CLUL1: variants seen among roughly 807,000 people sequenced by gnomAD.
The protein encoded by CLUL1 is clusterin-like protein 1.
CLUL1 carries 43 observed loss-of-function variants against 49.4 expected under a neutral mutation model. The ratio of observed to expected loss-of-function variants is 0.87; its 90% CI spans 0.68 to 1.12. The LOEUF is 1.12. CLUL1 is among the 50% of genes most tolerant of loss of function. The pLI is 0.00. For synonymous variants in CLUL1, 192 were observed against 184.9 expected, an observed-to-expected ratio of 1.04 and a Z score of -0.31; for missense variants, 486 against 544.4, an observed-to-expected ratio of 0.89 and a Z score of 1.07.
intron 1 of CLUL1, among the ~76,000 whole-genome samples, chr18:605,114 A>C (rs1418685579): frequency 6.6e-6 from 1 of 152,216 alleles, no homozygotes; most frequent in Non-Finnish European, 1.5e-5. Flanking sequence ...CAGTACAATC[A>C]TTTTAAATAT....
At chr18:646,237 T>A (rs2074503556) in intron 9 of CLUL1, among the ~76,000 whole-genome samples, 1 of 152,126 alleles carries the variant, frequency 6.6e-6, no homozygotes, top group African/African-American at 2.4e-5. Context: ...CATTTTAAAT[T>A]ATTCATGAGA....
intron 9 of CLUL1, among the ~76,000 whole-genome samples, chr18:646,148 G>A (rs1490259779): frequency 2.6e-5 from 4 of 151,524 alleles, no homozygotes; most frequent in Non-Finnish European, 4.4e-5. Context: ...CACACTGCAC[G>A]GCTTCCTGTT....
At chr18:608,350 C>T (rs2073039803) in intron 2 of CLUL1, among the ~76,000 whole-genome samples, 1 of 152,138 alleles carries the variant, frequency 6.6e-6, no homozygotes, top group Non-Finnish European at 1.5e-5. Context: ...AGAACCCTGA[C>T]AAATGAAGAG....
intron 5 of CLUL1, 58 bp downstream of exon 5, chr18:625,090 CT>C: frequency 6.5e-7 from 1 of 1,529,376 alleles, no homozygotes; most frequent in East Asian, 2.3e-5. Context: ...TTTCAGCTTA[CT>C]TTTTTATTAA....
At chr18:626,946 GGAAGGAAGGAAGGAAGGAAGGAAGGAA>G (rs2073788163) in intron 5 of CLUL1, 124 bp from the exon 6 acceptor site, 1 of 11,260 alleles carries the variant, frequency 8.9e-5, no homozygotes, top group African/African-American at 3.6e-4. Context: ...AAGGAAAGAA[GGAAGGAAGGAAGGAAGGAAGGAAGGAA>G]GGAAGGAAGG....
intron 6 of CLUL1, among the ~76,000 whole-genome samples, chr18:632,567 A>G (rs1456925966): frequency 6.6e-6 from 1 of 152,220 alleles, no homozygotes; most frequent in Non-Finnish European, 1.5e-5. Flanking sequence ...TATTGACATC[A>G]GAAATACTAA....
chr18:616,745 G>T (rs888746464), intron 2 of CLUL1: 2 of 975,210 alleles, frequency 2.1e-6, no homozygotes, highest in Non-Finnish European at 2.4e-6. Flanking sequence ...CTTCACTGGG[G>T]AGATATTGCA....
chr18:623,737 G>T (rs1198410262), intron 4 of CLUL1, among the ~76,000 whole-genome samples: 1 of 148,492 alleles, frequency 6.7e-6, no homozygotes, highest in Non-Finnish European at 1.5e-5. Context: ...GGGTCAAAAT[G>T]TATATTGGCA....
rs558332367 is a variant in CLUL1 at position 597,017 on chromosome 18, G to C, written c.-248G>C. The stretch of plus-strand genomic sequence containing the variant: ...TGCGTCACCTGCAGGCCCGGGCCGC[G>C]GGGTTGGTTTCCACCCTGGAGGTTG... On this transcript the variant is annotated 5_prime_UTR_variant, in exon 1 of 10. Coordinates refer to ENST00000692774, the MANE Select transcript of CLUL1 (RefSeq NM_001393344.1). 1 of 152,614 alleles carries C rather than the reference G, an allele frequency of 6.6e-6. No homozygotes were observed. Among genetic ancestry groups the C allele is most frequent in the Non-Finnish European group, 1.5e-5 (1 of 68,102 alleles). The allele number at this position is 152,614 out of a possible 1,614,324, so 9.5% of individuals were successfully genotyped here.
intron 5 of CLUL1, among the ~76,000 whole-genome samples, chr18:626,887 GAA>G (rs373271131): frequency 0.51 from 1,378 of 2,714 alleles, 178 homozygotes; most frequent in Admixed American, 0.55. Context: ...AAGAAAGAAA[GAA>G]AGAAAGAAAG....
At chr18:627,897 C>T (rs1183371929) in intron 6 of CLUL1, among the ~76,000 whole-genome samples, 10 of 152,126 alleles carry the variant, frequency 6.6e-5, no homozygotes, top group South Asian at 2.1e-4. Context: ...GATCTTGGCT[C>T]ACTGCAACCT....
chr18:609,201 T>C lies in CLUL1; in HGVS notation c.-14+2102T>C, dbSNP rs143360157. Among the ~76,000 whole-genome samples, 317 of 152,332 alleles carry C rather than the reference T, an allele frequency of 2.1e-3. 5 individuals are homozygous for C. Among genetic ancestry groups the C allele is most frequent in the African/African-American group, 7.3e-3 (302 of 41,582 alleles). ...TTTTCCACATAAAACAAAGTTTGTA[T>C]ACATTGAACCATCAGGAAGCAAGGT... On this transcript the variant is annotated intron_variant, in intron 2 of 9. Transcript: ENST00000692774.
intron 1 of CLUL1, chr18:597,585 G>A (rs1276578434): frequency 6.6e-6 from 1 of 152,342 alleles, no homozygotes; most frequent in Non-Finnish European, 1.5e-5. Context: ...GTGCATGCTT[G>A]TAATCCCATC....
chr18:636,416 C>T (rs1191416188), intron 7 of CLUL1, among the ~76,000 whole-genome samples: 3 of 96,964 alleles, frequency 3.1e-5, no homozygotes, highest in Non-Finnish European at 6.8e-5. Flanking sequence ...TAATATTCTC[C>T]ATTATGAAAT....
intron 8 of CLUL1, 57 bp from the exon 9 acceptor site, chr18:644,853 C>G (rs2074428027): frequency 7.4e-7 from 1 of 1,344,262 alleles, no homozygotes; most frequent in African/African-American, 1.5e-5. Flanking sequence ...TATTAAATTA[C>G]TATTGAATGT....
intron 9 of CLUL1, among the ~76,000 whole-genome samples, chr18:648,532 C>T (rs2074582006): frequency 6.6e-6 from 1 of 151,962 alleles, no homozygotes; most frequent in Non-Finnish European, 1.5e-5. Flanking sequence ...TCTTAGATTC[C>T]AAGAAATAGA....
intron 4 of CLUL1, 144 bp downstream of exon 4, chr18:619,505 A>G: frequency 1.2e-6 from 1 of 804,556 alleles, no homozygotes; most frequent in South Asian, 2.4e-5. Flanking sequence ...AGTTTAAGGG[A>G]AGCTTCAGAT....
intron 2 of CLUL1, among the ~76,000 whole-genome samples, chr18:613,661 A>G (rs1449880716): frequency 2.2e-4 from 30 of 136,044 alleles, no homozygotes; most frequent in East Asian, 6.9e-4. Flanking sequence ...CACCATGTTG[A>G]CCAGGCTGGT....
chr18:623,693 T>A (rs891399423), intron 4 of CLUL1, among the ~76,000 whole-genome samples: 1 of 141,048 alleles, frequency 7.1e-6, no homozygotes, highest in Non-Finnish European at 1.5e-5. Flanking sequence ...AAAATTGTTC[T>A]ACAAAGTCCA....
Sources: allele counts gnomAD v4.1 joint callset (sites outside exome capture counted in the v4.1 genomes callset), GRCh38; gene constraint gnomAD v4.1.1; transcripts MANE v1.5; gene names NCBI Gene and HGNC (gene_info 2026-07-23, HGNC 2026-07-21).